Variants in HPS4 observed in about 807,000 individuals in gnomAD.
HPS4 encodes the protein BLOC-3 complex member HPS4.
Under a neutral mutation model 70.3 loss-of-function variants are expected in HPS4, and 44 were observed. The ratio of observed to expected loss-of-function variants is 0.63; its 90% CI spans 0.49 to 0.80. The LOEUF (loss-of-function observed/expected upper bound fraction) is 0.80, where lower values mean the gene tolerates loss of function less well. Among genes scored for constraint, HPS4 ranks in the 30% least tolerant of loss-of-function variants. HPS4 has a pLI of 0.00. For missense variants in HPS4, 873 were observed against 884.4 expected (o/e 0.99, Z 0.16); for synonymous variants, 377 against 355.9 (o/e 1.06, Z -0.67).
At position 26,451,998 on chromosome 22, in the gene HPS4, GCGCGCGCA is replaced by G. The variant is rs1410002547; in HGVS notation, c.*1227_*1234del. 94 of 61,392 alleles carry G rather than the reference GCGCGCGCA, an allele frequency of 1.5e-3. No homozygotes were observed. Among genetic ancestry groups the G allele is most frequent in the Middle Eastern group, 8.1e-3 (1 of 124 alleles). The allele number at this position is 61,392 out of a possible 1,614,324, so 3.8% of individuals were successfully genotyped here. On this transcript the variant is annotated 3_prime_UTR_variant, in exon 14 of 14. Transcript: ENST00000398145. ...ATGCGCCCACGTTACGCGCGCGCGC[GCGCGCGCA>G]CACACACACACACACACACACACAC...
At chr22:26,465,394 C>A in intron 10 of HPS4, 61 bp downstream of exon 10, 1 of 1,222,208 alleles carries the variant, frequency 8.2e-7, no homozygotes, top group Non-Finnish European at 1.2e-6. Context: ...GTTTTTTAAC[C>A]AATCACGCGA....
rs778968440 is a variant in HPS4, at chr22:26,464,817, T to C, written c.813A>G (p.Ala271=). The change falls in exon 11 of 14, where the codon GCA becomes GCG. Residue 271 remains alanine (A), a synonymous_variant. Transcript: ENST00000398145. ...AACCATCCTGGAGTCCTGCTGGAGA[T>C]GCTAGAGACCTGGCAAACAAGAGAG... ...FPVEQMTRSL[A]SPAGLQDGSA... The C allele has an allele frequency of 6.3e-7, 1 of 1,593,220 alleles. No individual in the cohort carries two copies. The highest frequency in any genetic ancestry group is 1.8e-5 in the Admixed American group (1 of 56,164).
At chr22:26,479,013 C>A (rs1286181530) in intron 3 of HPS4, among the ~76,000 whole-genome samples, 1 of 151,930 alleles carries the variant, frequency 6.6e-6, no homozygotes, top group Non-Finnish European at 1.5e-5. Context: ...CCAAGCTGAT[C>A]AAAAAATTGG....
At chr22:26,446,868 C>T (rs1266831571), downstream of HPS4, among the ~76,000 whole-genome samples, 1 of 152,216 alleles carries the variant, frequency 6.6e-6, no homozygotes, top group Non-Finnish European at 1.5e-5. Flanking sequence ...GCTGGACTTA[C>T]AGGTGCCCGC....
rs779163882 is a variant in HPS4, at chr22:26,466,154, A to G, written c.706+72T>C. 2.8e-5 allele frequency: 45 copies of G among 1,612,038 alleles called. No individual in the cohort carries two copies. The Admixed American group carries it at 6.8e-4, about 24-fold the overall frequency. On this transcript the variant is annotated intron_variant, in intron 9 of 13. Coordinates refer to ENST00000398145, the MANE Select transcript of HPS4 (RefSeq NM_022081.6). Reference sequence around the variant, plus strand: ...ATGCAGATGGCTTGGTTTCCTTCGCATAACTTGTACAGGGGTAGGTAGCAT... The same window carrying G: ...ATGCAGATGGCTTGGTTTCCTTCGCGTAACTTGTACAGGGGTAGGTAGCAT...
At chr22:26,468,680 C>A in intron 7 of HPS4, 57 bp from the exon 8 acceptor site, 2 of 1,531,474 alleles carry the variant, frequency 1.3e-6, no homozygotes, top group South Asian at 1.1e-5. Context: ...CAAAACACTC[C>A]AAATTTTAAA....
At chr22:26,450,042 T>A (rs920869063), downstream of HPS4, among the ~76,000 whole-genome samples, 2 of 152,200 alleles carry the variant, frequency 1.3e-5, no homozygotes, top group Non-Finnish European at 2.9e-5. Context: ...CGTGGCCTTC[T>A]CCACGTGAGT....
rs2091000103 is a variant in HPS4 at position 26,479,238 on chromosome 22, TG to T, written c.132+26del. 10 of 1,613,474 alleles carry T rather than the reference TG, an allele frequency of 6.2e-6. 1 individual carries two copies. In the Admixed American group the frequency reaches 1.5e-4, roughly 24 times the overall value. Reference sequence around the variant, plus strand: ...CACTTGGAGGCACTGGGATCCTCACTGAACAATAAAATGCTGTGTGGCTTAC... The same window carrying T: ...CACTTGGAGGCACTGGGATCCTCACTAACAATAAAATGCTGTGTGGCTTAC... On this transcript the variant is annotated intron_variant, in intron 3 of 13. Coordinates refer to ENST00000398145, the MANE Select transcript of HPS4 (RefSeq NM_022081.6).
chr22:26,449,322 CATTTT>C (rs1279742083), downstream of HPS4, among the ~76,000 whole-genome samples: 2 of 132,712 alleles, frequency 1.5e-5, no homozygotes, highest in Non-Finnish European at 3.2e-5. Context: ...CACTCCCCTG[CATTTT>C]TTTTTTTTTT....
At chr22:26,478,368 C>A (rs979583470) in intron 3 of HPS4, among the ~76,000 whole-genome samples, 1 of 151,546 alleles carries the variant, frequency 6.6e-6, no homozygotes, top group African/African-American at 2.4e-5. Flanking sequence ...GTCAGGAGAT[C>A]GAGACCATCC....
At chr22:26,471,447 C>A in intron 6 of HPS4, 2 of 453,666 alleles carry the variant, frequency 4.4e-6, no homozygotes, top group African/African-American at 2.0e-5. Context: ...TAACCAGCAG[C>A]CTCCTCAGAC....
At chr22:26,448,321 C>G (rs1445862845), downstream of HPS4, among the ~76,000 whole-genome samples, 3 of 152,238 alleles carry the variant, frequency 2.0e-5, no homozygotes, top group Admixed American at 6.5e-5. Flanking sequence ...CACTGAGGCT[C>G]AGAGACAGAA....
At chr22:26,478,254 A>G (rs765935068) in intron 3 of HPS4, among the ~76,000 whole-genome samples, 3 of 151,898 alleles carry the variant, frequency 2.0e-5, no homozygotes, top group Non-Finnish European at 2.9e-5. Context: ...AGAGAGAAGA[A>G]GAGGTTCAGA....
downstream of HPS4, among the ~76,000 whole-genome samples, chr22:26,447,624 C>T (rs1483782238): frequency 6.6e-6 from 1 of 152,080 alleles, no homozygotes; most frequent in Non-Finnish European, 1.5e-5. Flanking sequence ...TGCCTGCTGC[C>T]AGCAACCTTC....
chr22:26,463,321 G>A (rs1030267266), intron 11 of HPS4, among the ~76,000 whole-genome samples: 1 of 152,232 alleles, frequency 6.6e-6, no homozygotes, highest in Non-Finnish European at 1.5e-5. Flanking sequence ...TGGGGCTATG[G>A]AGGGAAACAC....
At chr22:26,445,907 CA>C (rs1380263857), downstream of HPS4, among the ~76,000 whole-genome samples, 2 of 152,090 alleles carry the variant, frequency 1.3e-5, no homozygotes, top group Non-Finnish European at 1.5e-5. Flanking sequence ...GAGAGGGAGA[CA>C]GGGGGGTCTC....
At chr22:26,443,288 G>C, downstream of HPS4, 1 of 1,182,562 alleles carries the variant, frequency 8.5e-7, no homozygotes, top group Non-Finnish European at 1.2e-6. Flanking sequence ...CCCTACCGGT[G>C]TTGTTTCCAT....
At chr22:26,474,299 G>A (rs2090235389) in intron 4 of HPS4, among the ~76,000 whole-genome samples, 1 of 152,040 alleles carries the variant, frequency 6.6e-6, no homozygotes, top group African/African-American at 2.4e-5. Context: ...TCTGATCTTT[G>A]GCAAAGGAAC....
downstream of HPS4, chr22:26,443,247 G>A (rs35429415): frequency 0.035 from 54,800 of 1,548,318 alleles, 1,144 homozygotes; most frequent in Non-Finnish European, 0.039. Flanking sequence ...GGGCCGAGGC[G>A]GGGCCTGGGC....
Sources: gnomAD v4.1 joint callset for allele counts (sites outside exome capture counted in the v4.1 genomes callset) on GRCh38, gnomAD v4.1.1 for gene constraint, MANE v1.5 for transcripts, NCBI Gene and HGNC (gene_info 2026-07-23, HGNC 2026-07-21) for gene names.